The following SDK1 variants were observed in gnomAD, a reference collection of about 807,000 sequenced individuals.
SDK1 encodes the protein sidekick cell adhesion molecule 1, also known as protein sidekick-1.
SDK1 carries 157 observed loss-of-function variants against 245.5 expected under a neutral mutation model. The ratio of observed to expected loss-of-function variants is 0.64; its 90% CI spans 0.56 to 0.73. SDK1 has a LOEUF of 0.73. Ranked by LOEUF, SDK1 falls within the 30% of genes least tolerant of loss-of-function variation. The probability of loss-of-function intolerance (pLI) is 0.00; values close to 1 mark genes in which losing one functional copy is unlikely to be tolerated. For synonymous variants in SDK1, 1,647 were observed against 1,278.5 expected (o/e 1.29, Z -6.15); for missense variants, 3,583 against 3,002.3 (o/e 1.19, Z -4.52).
At chr7:3,721,303 C>G (rs1461514960) in intron 4 of SDK1, among the ~76,000 whole-genome samples, 1 of 152,190 alleles carries the variant, frequency 6.6e-6, no homozygotes, top group African/African-American at 2.4e-5. Flanking sequence ...TGAATTCTCC[C>G]AACATCAGTT....
At chr7:3,779,945 A>G (rs1253418876) in intron 4 of SDK1, among the ~76,000 whole-genome samples, 9 of 148,606 alleles carry the variant, frequency 6.1e-5, no homozygotes, top group Non-Finnish European at 7.4e-5. Context: ...TCTCAAAAAA[A>G]AAAAAAAAAA....
At chr7:3,693,532 T>C (rs1344449868) in intron 4 of SDK1, among the ~76,000 whole-genome samples, 13 of 152,244 alleles carry the variant, frequency 8.5e-5, no homozygotes, top group Admixed American at 3.3e-4. Flanking sequence ...CATGCTTTTC[T>C]TTGTATCTTC....
chr7:3,572,737 C>G (rs201958388), intron 1 of SDK1, among the ~76,000 whole-genome samples: 5 of 152,058 alleles, frequency 3.3e-5, no homozygotes, highest in Non-Finnish European at 5.9e-5. Context: ...CTAGGCAAAT[C>G]CAGTCATTGC....
At chr7:3,758,438 G>C (rs985256001) in intron 4 of SDK1, among the ~76,000 whole-genome samples, 10 of 152,094 alleles carry the variant, frequency 6.6e-5, no homozygotes, top group African/African-American at 2.4e-4. Context: ...TATTCTCTGG[G>C]TTATAATCTT....
intron 14 of SDK1, among the ~76,000 whole-genome samples, chr7:4,008,725 G>A (rs71527465): frequency 5.3e-5 from 8 of 152,066 alleles, no homozygotes; most frequent in Admixed American, 5.2e-4. Context: ...GAAAAAAAGG[G>A]AAAGGGCAGC....
At chr7:3,442,986 A>G (rs1780239998) in intron 1 of SDK1, among the ~76,000 whole-genome samples, 1 of 151,276 alleles carries the variant, frequency 6.6e-6, no homozygotes, top group South Asian at 2.1e-4. Flanking sequence ...AGATTAGATG[A>G]GGTGTGGGAA....
rs190907307 is a variant in SDK1, at chr7:3,905,097, T to C, written c.848-45826T>C. 1.3e-3 allele frequency among the ~76,000 whole-genome samples: 204 copies of C among 152,240 alleles called. 1 individual carries two copies. Among genetic ancestry groups the C allele is most frequent in the African/African-American group, 4.8e-3 (199 of 41,578 alleles). ...TATATCTCAATAAAAATACAATCAT[T>C]TTTAAAGTATAATCAGCACCTTTTT... On this transcript the variant is annotated intron_variant, in intron 5 of 44. Transcript: ENST00000404826.
At chr7:3,467,737 A>C (rs1039462792) in intron 1 of SDK1, among the ~76,000 whole-genome samples, 1 of 152,120 alleles carries the variant, frequency 6.6e-6, no homozygotes, top group Non-Finnish European at 1.5e-5. Context: ...GATAAAATTA[A>C]AGGTAAACTT....
chr7:3,969,110 C>T, intron 10 of SDK1, 147 bp from the exon 11 acceptor site: 1 of 676,266 alleles, frequency 1.5e-6, no homozygotes, highest in Non-Finnish European at 2.4e-6. Context: ...CCAGATTCCT[C>T]CCCCGACGTG....
chr7:3,595,950 G>A (rs1043018278), intron 1 of SDK1, among the ~76,000 whole-genome samples: 2 of 147,242 alleles, frequency 1.4e-5, no homozygotes, highest in African/African-American at 5.2e-5. Context: ...TGTCTAATGG[G>A]TATTTTTTTT....
chr7:3,913,325 G>C (rs373088949), intron 5 of SDK1, among the ~76,000 whole-genome samples: 1 of 136,822 alleles, frequency 7.3e-6, no homozygotes, highest in Non-Finnish European at 1.5e-5. Context: ...ATGGAGTCTC[G>C]CTCTGTCACC....
At chr7:3,421,016 T>G (rs1779520097) in intron 1 of SDK1, among the ~76,000 whole-genome samples, 1 of 152,198 alleles carries the variant, frequency 6.6e-6, no homozygotes, top group African/African-American at 2.4e-5. Context: ...TTGTACTGTT[T>G]AAGCAGCTTT....
chr7:3,491,082 G>C (rs1781851325), intron 1 of SDK1, among the ~76,000 whole-genome samples: 1 of 152,180 alleles, frequency 6.6e-6, no homozygotes, highest in South Asian at 2.1e-4. Flanking sequence ...CCATTTTATA[G>C]ATTACAGCCG....
chr7:3,565,043 T>A lies in SDK1; in HGVS notation c.299-54037T>A, dbSNP rs533999347. Among the ~76,000 whole-genome samples, 3 of 151,832 alleles carry A rather than the reference T, an allele frequency of 2.0e-5. No individual in the cohort carries two copies. In the East Asian group the frequency reaches 5.8e-4, roughly 29 times the overall value. On this transcript the variant is annotated intron_variant, in intron 1 of 44. Transcript: ENST00000404826. ...GGAGAAGCAGTTTTGGGTTGTGGGG[T>A]CGGTGGTAAGATCACATGACAATCC... is the stretch of plus-strand genomic sequence containing the variant.
At chr7:4,069,054 G>C (rs1341315611) in intron 20 of SDK1, among the ~76,000 whole-genome samples, 1 of 152,140 alleles carries the variant, frequency 6.6e-6, no homozygotes, top group Non-Finnish European at 1.5e-5. Context: ...AAACCTTTTA[G>C]GTTAAAGCTT....
At chr7:3,472,759 C>T (rs139192502) in intron 1 of SDK1, among the ~76,000 whole-genome samples, 2 of 152,222 alleles carry the variant, frequency 1.3e-5, no homozygotes, top group South Asian at 2.1e-4. Context: ...CAGTGACGTC[C>T]TGGAGTTTCA....
intron 19 of SDK1, among the ~76,000 whole-genome samples, chr7:4,066,111 G>A (rs978095503): frequency 4.6e-5 from 7 of 152,214 alleles, no homozygotes; most frequent in East Asian, 3.9e-4. Flanking sequence ...AGAAACTGAC[G>A]GATGTCTCGT....
intron 2 of SDK1, among the ~76,000 whole-genome samples, chr7:3,637,775 G>C (rs1232712797): frequency 6.6e-6 from 1 of 152,214 alleles, no homozygotes; most frequent in African/African-American, 2.4e-5. Flanking sequence ...CTCTGAAAAA[G>C]TTTTTAAAGT....
In SDK1 at chr7:3,963,001, C is replaced by A. The variant is rs559549523; in HGVS notation, c.1429+150C>A. On this transcript the variant is annotated intron_variant, in intron 9 of 44. Coordinates refer to ENST00000404826, the MANE Select transcript of SDK1 (RefSeq NM_152744.4). ...CCAGTGAGTACACTCAGCTCCATGG[C>A]TACCTGGATGTAACCACTGGGTACA... 57 of 557,764 alleles carry A rather than the reference C, an allele frequency of 1.0e-4. No homozygotes were observed. The South Asian group carries it at 1.5e-3, about 15-fold the overall frequency. 34.6% of individuals were successfully genotyped at this position (557,764 alleles called of 1,614,324 possible).
Sources: gnomAD v4.1 joint callset for allele counts (sites outside exome capture counted in the v4.1 genomes callset) on GRCh38, gnomAD v4.1.1 for gene constraint, MANE v1.5 for transcripts, NCBI Gene and HGNC (gene_info 2026-07-23, HGNC 2026-07-21) for gene names.